Variants in MTUS2 observed in about 807,000 individuals in gnomAD.
MTUS2 encodes the protein microtubule-associated tumor suppressor candidate 2.
In MTUS2, 40 loss-of-function variants were observed where a neutral mutation model predicts 114.1. The observed-to-expected ratio is 0.35, with a 90% CI of 0.27 to 0.46. MTUS2 has a LOEUF of 0.46. Among genes scored for constraint, MTUS2 ranks in the 20% least tolerant of loss-of-function variants. The probability of loss-of-function intolerance (pLI) is 1.00; values close to 1 mark genes in which losing one functional copy is unlikely to be tolerated. For missense variants in MTUS2, 1,679 were observed against 1,705.4 expected (o/e 0.98, Z 0.27); for synonymous variants, 688 against 672.0 (o/e 1.02, Z -0.37).
chr13:28,973,060 T>C (rs1339082507), intron 2 of MTUS2, among the ~76,000 whole-genome samples: 2 of 152,236 alleles, frequency 1.3e-5, no homozygotes, highest in South Asian at 2.1e-4. Flanking sequence ...ACACTCTGTA[T>C]GTAGCTTGCT....
rs1037650110 is a variant in MTUS2 at position 28,982,347 on chromosome 13, A to T, written c.-242-42110A>T. On this transcript the variant is annotated intron_variant, in intron 2 of 15. Transcript: ENST00000612955. The stretch of plus-strand genomic sequence containing the variant: ...ACACCTATGAGGATGGTTATTATTT[A>T]AAAAAAAAAAAGAAAATAGCAAGTG... Among the ~76,000 whole-genome samples, 538 of 64,088 alleles carry T rather than the reference A, an allele frequency of 8.4e-3. 3 individuals carry two copies. The highest frequency in any genetic ancestry group is 0.055 in the African/African-American group (515 of 9,326). The allele number at this position is 64,088 out of a possible 152,430, so 42.0% of individuals were successfully genotyped here.
chr13:29,091,476 C>T (rs1286648268), intron 4 of MTUS2, among the ~76,000 whole-genome samples: 1 of 144,962 alleles, frequency 6.9e-6, no homozygotes, highest in Admixed American at 7.1e-5. Flanking sequence ...CTCAGTACTC[C>T]ACATTATGGC....
chr13:29,300,925 C>T (rs901213900), intron 6 of MTUS2, among the ~76,000 whole-genome samples: 1 of 152,300 alleles, frequency 6.6e-6, no homozygotes, highest in East Asian at 1.9e-4. Flanking sequence ...GAGGCTGGAA[C>T]ATCCAAGATC....
chr13:29,087,137 T>C (rs950516473), intron 4 of MTUS2, among the ~76,000 whole-genome samples: 4 of 152,182 alleles, frequency 2.6e-5, no homozygotes, highest in African/African-American at 9.7e-5. Flanking sequence ...TCCAGCACTA[T>C]GTTGAATAGG....
intron 5 of MTUS2, among the ~76,000 whole-genome samples, chr13:29,208,262 G>C (rs1174759111): frequency 6.6e-6 from 1 of 151,986 alleles, no homozygotes. Context: ...TATTTCTGTG[G>C]TATCAGTTAT....
intron 4 of MTUS2, among the ~76,000 whole-genome samples, chr13:29,063,466 A>AATT (rs1888514147): frequency 2.6e-5 from 4 of 152,202 alleles, no homozygotes; most frequent in Non-Finnish European, 5.9e-5. Flanking sequence ...TCTATAAATA[A>AATT]CCAGAGAAAT....
At chr13:28,985,857 G>C (rs1383922744) in intron 2 of MTUS2, among the ~76,000 whole-genome samples, 6 of 152,196 alleles carry the variant, frequency 3.9e-5, no homozygotes, top group African/African-American at 1.4e-4. Context: ...CAAGAGGGAA[G>C]TCTGCCTACA....
intron 4 of MTUS2, among the ~76,000 whole-genome samples, chr13:29,075,335 T>C (rs1211654440): frequency 6.6e-6 from 1 of 152,200 alleles, no homozygotes; most frequent in Non-Finnish European, 1.5e-5. Flanking sequence ...TTTTCATGGC[T>C]CTGGACTCTA....
At chr13:28,896,124 C>A (rs191814183) in intron 2 of MTUS2, among the ~76,000 whole-genome samples, 1 of 152,104 alleles carries the variant, frequency 6.6e-6, no homozygotes, top group African/African-American at 2.4e-5. Context: ...AGATGTTAGA[C>A]TGAGATGATT....
At chr13:29,219,626 G>A (rs952254690) in intron 5 of MTUS2, among the ~76,000 whole-genome samples, 3 of 152,204 alleles carry the variant, frequency 2.0e-5, no homozygotes, top group Non-Finnish European at 4.4e-5. Flanking sequence ...GTCCTAGATG[G>A]CATCTTCTAA....
At chr13:29,300,229 C>T (rs866358234) in intron 6 of MTUS2, among the ~76,000 whole-genome samples, 4 of 152,158 alleles carry the variant, frequency 2.6e-5, no homozygotes, top group Non-Finnish European at 1.5e-5. Flanking sequence ...ACTCTTGTGA[C>T]CCACCTTAAT....
chr13:29,265,513 G>A (rs192006729), intron 5 of MTUS2, among the ~76,000 whole-genome samples: 12 of 152,182 alleles, frequency 7.9e-5, no homozygotes, highest in Admixed American at 2.0e-4. Flanking sequence ...CCAGTTTTCC[G>A]TGTTAGATTA....
chr13:29,473,161 T>G (rs1880441505), intron 9 of MTUS2, among the ~76,000 whole-genome samples: 1 of 152,010 alleles, frequency 6.6e-6, no homozygotes, highest in Non-Finnish European at 1.5e-5. Context: ...TGTATATATA[T>G]TATATATACA....
At chr13:29,102,693 T>A (rs568806207) in intron 5 of MTUS2, among the ~76,000 whole-genome samples, 2 of 152,248 alleles carry the variant, frequency 1.3e-5, no homozygotes, top group Non-Finnish European at 2.9e-5. Flanking sequence ...ATGTAATTTT[T>A]ACTTCACCAA....
rs1266672260 is a variant in MTUS2 at position 29,389,536 on chromosome 13, C to T, written c.3117+30063C>T. Among the ~76,000 whole-genome samples, 59 of 77,710 alleles carry T rather than the reference C, an allele frequency of 7.6e-4. 9 individuals carry two copies. The highest frequency in any genetic ancestry group is 3.9e-3 in the African/African-American group (57 of 14,472). The allele number at this position is 77,710 out of a possible 152,430, so 51.0% of individuals were successfully genotyped here. Reference sequence around the variant, plus strand: ...GTGTGTATGTGTATATATGTATACACGTGTGTATATGTATACACGTGTGTA... The same window carrying T: ...GTGTGTATGTGTATATATGTATACATGTGTGTATATGTATACACGTGTGTA... On this transcript the variant is annotated intron_variant, in intron 8 of 15. Coordinates refer to ENST00000612955, the MANE Select transcript of MTUS2 (RefSeq NM_001033602.4).
At chr13:29,111,410 C>T (rs891615013) in intron 5 of MTUS2, among the ~76,000 whole-genome samples, 17 of 152,074 alleles carry the variant, frequency 1.1e-4, no homozygotes, top group African/African-American at 3.9e-4. Flanking sequence ...TCTCTAATGC[C>T]GAGCATCTTG....
intron 5 of MTUS2, among the ~76,000 whole-genome samples, chr13:29,204,898 C>T (rs773522523): frequency 5.3e-5 from 8 of 152,288 alleles, no homozygotes; most frequent in Middle Eastern, 6.8e-3. Flanking sequence ...CTCGCCAAAT[C>T]GGGGACATCA....
In MTUS2 at chr13:29,428,685, C is replaced by A. The variant is rs112023852; in HGVS notation, c.3118-11298C>A. On this transcript the variant is annotated intron_variant, in intron 8 of 15. Coordinates refer to ENST00000612955, the MANE Select transcript of MTUS2 (RefSeq NM_001033602.4). Reference sequence around the variant, plus strand: ...CTCTCATTCCTCTGCCTCCTGGATTCCTGAAGTTTAGGAGAAATAAGGTAG... The same window carrying A: ...CTCTCATTCCTCTGCCTCCTGGATTACTGAAGTTTAGGAGAAATAAGGTAG... The A allele has an allele frequency of 1.3e-3, 1,585 of 1,220,150 alleles. 8 individuals carry two copies. Among genetic ancestry groups the A allele is most frequent in the African/African-American group, 0.012 (677 of 58,542 alleles). The allele number at this position is 1,220,150 out of a possible 1,614,324, so 75.6% of individuals were successfully genotyped here.
intron 2 of MTUS2, among the ~76,000 whole-genome samples, chr13:28,930,583 G>A (rs1193332230): frequency 3.3e-5 from 5 of 150,596 alleles, no homozygotes; most frequent in Non-Finnish European, 5.9e-5. Flanking sequence ...GCAGTGGTTA[G>A]CATTTCAACA....
Sources: allele counts gnomAD v4.1 joint callset (sites outside exome capture counted in the v4.1 genomes callset), GRCh38; gene constraint gnomAD v4.1.1; transcripts MANE v1.5; gene names NCBI Gene and HGNC (gene_info 2026-07-23, HGNC 2026-07-21).